The following GNAT3 variants were observed in gnomAD, a reference collection of about 807,000 sequenced individuals.
GNAT3 encodes guanine nucleotide-binding protein G(t) subunit alpha-3.
In GNAT3, 31 loss-of-function variants were observed where a neutral mutation model predicts 37.7. The ratio of observed to expected loss-of-function variants is 0.82; its 90% confidence interval spans 0.62 to 1.11. The LOEUF (loss-of-function observed/expected upper bound fraction) is 1.11, where lower values mean the gene tolerates loss of function less well. GNAT3 is among the 50% of genes most tolerant of loss of function. The probability of loss-of-function intolerance (pLI) is 0.00; values close to 1 mark genes in which losing one functional copy is unlikely to be tolerated. For synonymous variants in GNAT3, 138 were observed against 139.8 expected, an observed-to-expected ratio of 0.99 and a Z score of 0.09; for missense variants, 437 against 412.5, an observed-to-expected ratio of 1.06 and a Z score of -0.51.
chr7:80,468,373 G>C (rs1403412212), intron 5 of GNAT3, among the ~76,000 whole-genome samples: 1 of 151,924 alleles, frequency 6.6e-6, no homozygotes, highest in Non-Finnish European at 1.5e-5. Context: ...TGCTACTGCA[G>C]GTAATTTATT....
chr7:80,465,291 A>G (rs799927), intron 5 of GNAT3, among the ~76,000 whole-genome samples: 46,106 of 151,996 alleles, frequency 0.3, 7,547 homozygotes, highest in East Asian at 0.6. Flanking sequence ...AGTTGAGATC[A>G]TGACTTTCAT....
chr7:80,488,178 G>A (rs1447842312), intron 3 of GNAT3, among the ~76,000 whole-genome samples: 2 of 152,020 alleles, frequency 1.3e-5, no homozygotes, highest in Admixed American at 6.6e-5. Context: ...TAGTCTCTTT[G>A]AAATGGCATA....
chr7:80,498,591 T>G (rs1790776501), intron 1 of GNAT3, among the ~76,000 whole-genome samples: 1 of 152,174 alleles, frequency 6.6e-6, no homozygotes, highest in Admixed American at 6.5e-5. Context: ...ATTCTCACAA[T>G]AATTCTAGGT....
At chr7:80,460,814 A>C (rs1291862670) in intron 7 of GNAT3, among the ~76,000 whole-genome samples, 1 of 152,040 alleles carries the variant, frequency 6.6e-6, no homozygotes, top group Non-Finnish European at 1.5e-5. Context: ...CATCAATATA[A>C]TTCATCAATT....
At chr7:80,487,366 G>A (rs1208059825) in intron 3 of GNAT3, among the ~76,000 whole-genome samples, 1 of 152,128 alleles carries the variant, frequency 6.6e-6, no homozygotes, top group African/African-American at 2.4e-5. Flanking sequence ...GCAAACTGTG[G>A]AGAAAGCTAG....
In GNAT3 at chr7:80,497,650, GTATATACATATACGTATATACATACA is replaced by G. The variant is rs1562733040; in HGVS notation, c.119-3029_119-3004del. On this transcript the variant is annotated intron_variant, in intron 1 of 7. Transcript: ENST00000398291. The stretch of plus-strand genomic sequence containing the variant: ...TATACATATACGTATATACATATAC[GTATATACATATACGTATATACATACA>G]TATATACACACACACTGTCTTAAAT... 9.1e-3 allele frequency among the ~76,000 whole-genome samples: 979 copies of G among 107,560 alleles called. 46 individuals are homozygous for G. Among genetic ancestry groups the G allele is most frequent in the African/African-American group, 0.021 (419 of 20,262 alleles). 70.6% of individuals were successfully genotyped at this position (107,560 alleles called of 152,430 possible).
At chr7:80,478,682 T>C (rs999898640) in intron 4 of GNAT3, among the ~76,000 whole-genome samples, 159 bp downstream of exon 4, 16 of 152,214 alleles carry the variant, frequency 1.1e-4, no homozygotes, top group African/African-American at 3.6e-4. Context: ...TGTCACCTTG[T>C]TCATTTTCAT....
chr7:80,472,769 C>A (rs922397145), intron 5 of GNAT3, among the ~76,000 whole-genome samples: 1 of 152,124 alleles, frequency 6.6e-6, no homozygotes, highest in African/African-American at 2.4e-5. Context: ...TTATAACTCT[C>A]TACTAGGACT....
Position 80,462,757 on chromosome 7 carries a change from TGA to T in GNAT3, c.591-128_591-127del. The stretch of plus-strand genomic sequence containing the variant: ...CAAAAGGTATTCTTTTGACTTTTAT[TGA>T]TTATAAAATTAAATTTATTTGGTCA... On this transcript the variant is annotated intron_variant, in intron 5 of 7. Coordinates refer to ENST00000398291, the MANE Select transcript of GNAT3 (RefSeq NM_001102386.3). The T allele has an allele frequency of 4.8e-6, 3 of 626,658 alleles. No individual in the cohort carries two copies. In the South Asian group the frequency reaches 9.1e-5, roughly 19 times the overall value. The allele number at this position is 626,658 out of a possible 1,614,324, so 38.8% of individuals were successfully genotyped here.
intron 5 of GNAT3, among the ~76,000 whole-genome samples, chr7:80,463,731 C>T (rs1205026077): frequency 1.3e-5 from 2 of 151,894 alleles, no homozygotes; most frequent in African/African-American, 2.4e-5. Context: ...ATGCCCAACA[C>T]ATAACAGGCA....
intron 1 of GNAT3, among the ~76,000 whole-genome samples, chr7:80,498,937 A>C (rs867833279): frequency 1.3e-5 from 2 of 152,228 alleles, no homozygotes; most frequent in Non-Finnish European, 2.9e-5. Flanking sequence ...AAAATATTAA[A>C]AAGAATTTTA....
intron 5 of GNAT3, among the ~76,000 whole-genome samples, chr7:80,464,106 T>A (rs1790096223): frequency 6.6e-6 from 1 of 151,708 alleles, no homozygotes; most frequent in Non-Finnish European, 1.5e-5. Context: ...GTGATTGGTG[T>A]GTGTGTTTCA....
intron 3 of GNAT3, 84 bp from the exon 4 acceptor site, chr7:80,479,082 A>C: frequency 1.1e-6 from 1 of 941,952 alleles, no homozygotes; most frequent in South Asian, 2.1e-5. Context: ...TACTGGGATA[A>C]TTTTAATCTT....
At chr7:80,495,897 C>T (rs1584191651) in intron 1 of GNAT3, among the ~76,000 whole-genome samples, 1 of 152,068 alleles carries the variant, frequency 6.6e-6, no homozygotes, top group South Asian at 2.1e-4. Context: ...TTTGATGGAG[C>T]TATTTGCTTT....
chr7:80,511,397 C>T (rs953899018), intron 1 of GNAT3, among the ~76,000 whole-genome samples: 11 of 152,026 alleles, frequency 7.2e-5, no homozygotes, highest in South Asian at 4.2e-4. Context: ...TTAACTTCAA[C>T]GTCAAACAAT....
At chr7:80,464,244 AG>A (rs927560922) in intron 5 of GNAT3, among the ~76,000 whole-genome samples, 5 of 152,036 alleles carry the variant, frequency 3.3e-5, no homozygotes, top group African/African-American at 1.2e-4. Flanking sequence ...TAGGAAGTGT[AG>A]GGGGTGGGTT....
At chr7:80,486,661 T>C (rs1200298212) in intron 3 of GNAT3, 4 of 134,750 alleles carry the variant, frequency 3.0e-5, no homozygotes, top group Non-Finnish European at 6.2e-5. Context: ...TTTTTATAGA[T>C]ACAGTGTCTG....
chr7:80,466,991 T>G (rs1269409963), intron 5 of GNAT3, among the ~76,000 whole-genome samples: 1 of 152,186 alleles, frequency 6.6e-6, no homozygotes, highest in Non-Finnish European at 1.5e-5. Context: ...CTTATGTTCC[T>G]CATAACAATT....
chr7:80,501,144 A>G lies in GNAT3; in HGVS notation c.119-6497T>C, dbSNP rs1790825475. On this transcript the variant is annotated intron_variant, in intron 1 of 7. Coordinates refer to ENST00000398291, the MANE Select transcript of GNAT3 (RefSeq NM_001102386.3). ...AGCAATATGAATAAATTTGCAGATA[A>G]ATTTGTACATTTTCTTTTGCCAAAA... Among the ~76,000 whole-genome samples, 2 of 152,068 alleles carry G rather than the reference A, an allele frequency of 1.3e-5. 1 individual carries two copies. The highest frequency in any genetic ancestry group is 4.1e-4 in the South Asian group (2 of 4,830).
Sources: gnomAD v4.1 joint callset for allele counts (sites outside exome capture counted in the v4.1 genomes callset) on GRCh38, gnomAD v4.1.1 for gene constraint, MANE v1.5 for transcripts, NCBI Gene and HGNC (gene_info 2026-07-23, HGNC 2026-07-21) for gene names.